The following ERC2 variants were observed in gnomAD, a reference collection of about 807,000 sequenced individuals.
ERC2 encodes ELKS/RAB6-interacting/CAST family member 2.
ERC2 carries 42 observed loss-of-function variants against 114.8 expected under a neutral mutation model. The observed-to-expected ratio is 0.37, with a 90% CI of 0.29 to 0.47. The LOEUF is 0.47. ERC2 is among the 20% of genes least tolerant of loss of function. ERC2 has a pLI of 0.99. For missense variants in ERC2, 939 were observed against 1,150.7 expected (o/e 0.82, Z 2.66); for synonymous variants, 454 against 425.5 (o/e 1.07, Z -0.82).
At chr3:56,027,298 G>T (rs1274754253) in intron 7 of ERC2, among the ~76,000 whole-genome samples, 1 of 152,042 alleles carries the variant, frequency 6.6e-6, no homozygotes, top group African/African-American at 2.4e-5. Context: ...TTATTTTTTC[G>T]GTGACGTAAG....
chr3:55,971,627 A>G (rs11717188), intron 12 of ERC2, among the ~76,000 whole-genome samples: 43,546 of 152,000 alleles, frequency 0.29, 6,426 homozygotes, highest in Admixed American at 0.35. Context: ...GGGGCTGGAG[A>G]GAGAGAATGG....
intron 14 of ERC2, among the ~76,000 whole-genome samples, chr3:55,808,735 ATAT>A (rs1559689504): frequency 2.1e-4 from 24 of 112,962 alleles, no homozygotes; most frequent in East Asian, 4.7e-4. Context: ...ATATATATAT[ATAT>A]ATATAACGTA....
rs186262706 is a variant in ERC2, at chr3:56,232,889, C to T, written c.1075-59369G>A. 4.2e-3 allele frequency among the ~76,000 whole-genome samples: 638 copies of T among 152,354 alleles called. 7 individuals carry two copies. Among genetic ancestry groups the T allele is most frequent in the Non-Finnish European group, 5.6e-3 (378 of 68,038 alleles). ...TCAGACCTTCAAACATGCCCTTCCT[C>T]ATTATCTCCCGTTTCCGAATAATTC... is the stretch of plus-strand genomic sequence containing the variant. On this transcript the variant is annotated intron_variant, in intron 3 of 17. Transcript: ENST00000288221.
chr3:55,920,210 ATTAT>A (rs1000351375), intron 13 of ERC2, among the ~76,000 whole-genome samples: 8 of 152,150 alleles, frequency 5.3e-5, no homozygotes, highest in South Asian at 4.1e-4. Context: ...ATATGAAAAA[ATTAT>A]TTATTTATTA....
At chr3:55,905,361 G>A (rs1461271629) in intron 13 of ERC2, among the ~76,000 whole-genome samples, 6 of 152,254 alleles carry the variant, frequency 3.9e-5, no homozygotes, top group African/African-American at 1.2e-4. Flanking sequence ...GATTACAGGC[G>A]TGAGCCACCA....
At chr3:55,823,791 T>A (rs1416822311) in intron 14 of ERC2, among the ~76,000 whole-genome samples, 1 of 152,102 alleles carries the variant, frequency 6.6e-6, no homozygotes, top group Non-Finnish European at 1.5e-5. Flanking sequence ...GAAGAGTGAG[T>A]GAAAATGACG....
intron 5 of ERC2, among the ~76,000 whole-genome samples, chr3:56,146,850 T>C (rs577025470): frequency 6.6e-6 from 1 of 152,308 alleles, no homozygotes; most frequent in Admixed American, 6.5e-5. Flanking sequence ...TCCTCAAACA[T>C]TCTTCTGACC....
chr3:55,973,625 C>A (rs2069347176), intron 12 of ERC2, among the ~76,000 whole-genome samples: 1 of 152,196 alleles, frequency 6.6e-6, no homozygotes, highest in Non-Finnish European at 1.5e-5. Context: ...ACCTCACTAA[C>A]CTCAGTTTAG....
intron 17 of ERC2, among the ~76,000 whole-genome samples, chr3:55,537,183 C>T (rs2054051909): frequency 1.3e-5 from 2 of 152,138 alleles, no homozygotes; most frequent in Admixed American, 6.5e-5. Context: ...GCGGGGCTGG[C>T]CGGCCACATT....
intron 14 of ERC2, among the ~76,000 whole-genome samples, chr3:55,832,005 G>A (rs990677666): frequency 6.6e-6 from 1 of 152,216 alleles, no homozygotes; most frequent in Non-Finnish European, 1.5e-5. Flanking sequence ...ACTGATTGCT[G>A]GCACAGCAGT....
At chr3:56,383,878 G>A (rs2059843759) in intron 2 of ERC2, among the ~76,000 whole-genome samples, 1 of 151,956 alleles carries the variant, frequency 6.6e-6, no homozygotes, top group African/African-American at 2.4e-5. Context: ...CCAGCCCCTG[G>A]CAACCACCAT....
chr3:55,716,209 T>C (rs1576281966), intron 15 of ERC2, among the ~76,000 whole-genome samples: 1 of 152,100 alleles, frequency 6.6e-6, no homozygotes, highest in South Asian at 2.1e-4. Context: ...AAAGCCAACC[T>C]CTCACTTTCC....
chr3:56,163,433 T>C (rs1358416647), intron 4 of ERC2, among the ~76,000 whole-genome samples: 1 of 152,108 alleles, frequency 6.6e-6, no homozygotes, highest in Non-Finnish European at 1.5e-5. Context: ...TAGTTTTCTG[T>C]CTCGATGATC....
At chr3:55,614,009 A>G (rs1336018482) in intron 17 of ERC2, among the ~76,000 whole-genome samples, 1 of 138,902 alleles carries the variant, frequency 7.2e-6, no homozygotes, top group Non-Finnish European at 1.6e-5. Flanking sequence ...AAAAAAAAAA[A>G]AAAAGAAGAC....
At chr3:56,068,546 C>T (rs2149723369) in intron 7 of ERC2, among the ~76,000 whole-genome samples, 1 of 152,216 alleles carries the variant, frequency 6.6e-6, no homozygotes, top group South Asian at 2.1e-4. Flanking sequence ...CTATCTCCAT[C>T]AGTTCTGCTC....
chr3:55,650,841 G>GT (rs57226729), intron 17 of ERC2, among the ~76,000 whole-genome samples: 3 of 146,488 alleles, frequency 2.0e-5, no homozygotes, highest in African/African-American at 7.5e-5. Flanking sequence ...CTCATAGGGT[G>GT]TTTTTTTTTT....
At chr3:56,186,114 T>TAA (rs201544979) in intron 3 of ERC2, among the ~76,000 whole-genome samples, 3,420 of 101,764 alleles carry the variant, frequency 0.034, 307 homozygotes, top group African/African-American at 0.042. Context: ...TCAAGAACCT[T>TAA]AAAAAAAAAA....
chr3:56,348,754 C>A lies in ERC2; in HGVS notation c.658-52319G>T, dbSNP rs904544858. 5.1e-4 allele frequency among the ~76,000 whole-genome samples: 78 copies of A among 151,700 alleles called. 1 individual carries two copies. Among genetic ancestry groups the A allele is most frequent in the African/African-American group, 1.9e-3 (77 of 41,370 alleles). ...GTCCATTTTCTTGACAAAGATTTGA[C>A]GATTGAAACTATTTATTAGTAGCCA... is the stretch of plus-strand genomic sequence containing the variant. On this transcript the variant is annotated intron_variant, in intron 2 of 17. Coordinates refer to ENST00000288221, the MANE Select transcript of ERC2 (RefSeq NM_015576.3).
At chr3:55,821,853 A>T (rs1248872508) in intron 14 of ERC2, among the ~76,000 whole-genome samples, 1 of 152,258 alleles carries the variant, frequency 6.6e-6, no homozygotes, top group Non-Finnish European at 1.5e-5. Flanking sequence ...AGATTACCAT[A>T]GGCTGGGGCT....
Sources: gnomAD v4.1 joint callset for allele counts (sites outside exome capture counted in the v4.1 genomes callset) on GRCh38, gnomAD v4.1.1 for gene constraint, MANE v1.5 for transcripts, NCBI Gene and HGNC (gene_info 2026-07-23, HGNC 2026-07-21) for gene names.